LAMA2: variants seen among roughly 807,000 people sequenced by gnomAD.
LAMA2 encodes the protein laminin subunit alpha-2.
A neutral mutation model predicts 364.8 loss-of-function variants in LAMA2; 269 were observed. The observed-to-expected ratio is 0.74, with a 90% CI of 0.67 to 0.82. The LOEUF is 0.82. Ranked by LOEUF, LAMA2 falls within the 40% of genes least tolerant of loss-of-function variation. The pLI, the probability that LAMA2 is intolerant of heterozygous loss-of-function variation, is 0.00. For synonymous variants in LAMA2, 1,379 were observed against 1,370.6 expected (o/e 1.01, Z -0.14); for missense variants, 3,807 against 3,873.2 (o/e 0.98, Z 0.45).
At position 129,291,663 on chromosome 6, in the gene LAMA2, A is replaced by G. The variant is rs1027199; in HGVS notation, c.2799A>G (p.Gln933=). The G allele has an allele frequency of 0.25, 400,644 of 1,612,996 alleles. 52,290 individuals are homozygous for G. The highest frequency in any genetic ancestry group is 0.48 in the East Asian group (21,549 of 44,838). Residue 933 remains glutamine, a synonymous_variant, in exon 20 of 65, where the codon CAA becomes CAG. Transcript: ENST00000421865. Reference sequence around the variant, plus strand: ...CTTTCTCTGAGGTTTGCCACAGTCAAACTGGACAGTGTGAGTGCAGAGCCA... The same window carrying G: ...CTTTCTCTGAGGTTTGCCACAGTCAGACTGGACAGTGTGAGTGCAGAGCCA... ...GGSFSEVCHS[Q]TGQCECRANV...
intron 62 of LAMA2, among the ~76,000 whole-genome samples, chr6:129,511,261 C>CT (rs35249760): frequency 1.6e-4 from 25 of 151,934 alleles, no homozygotes; most frequent in African/African-American, 4.3e-4. Flanking sequence ...ATCACTGGGG[C>CT]TTTTTTTTGG....
At chr6:128,930,055 C>A in intron 1 of LAMA2, 2 of 384,902 alleles carry the variant, frequency 5.2e-6, no homozygotes, top group South Asian at 6.1e-5. Flanking sequence ...GCCCGCAGCC[C>A]TGCAGGGCCG....
At chr6:129,208,046 T>C (rs913869430) in intron 12 of LAMA2, among the ~76,000 whole-genome samples, 1 of 152,202 alleles carries the variant, frequency 6.6e-6, no homozygotes, top group African/African-American at 2.4e-5. Context: ...TATGAGTCTA[T>C]AAGGAAGTTA....
chr6:129,478,795 C>T lies in LAMA2; in HGVS notation c.7554C>T (p.Thr2518=). The T allele has an allele frequency of 6.2e-7, 1 of 1,612,994 alleles. No homozygotes were observed. Among genetic ancestry groups the T allele is most frequent in the Non-Finnish European group, 8.5e-7 (1 of 1,179,062 alleles). Residue 2518 remains threonine, a synonymous_variant, in exon 54 of 65, where the codon ACC becomes ACT. Transcript: ENST00000421865. ...GTAGTCCCGATTATGTTGGTGTTACCAAAGGATGTTCCCTGGAGGTTGGTC... is the reference window on the plus strand; with the variant it reads ...GTAGTCCCGATTATGTTGGTGTTACTAAAGGATGTTCCCTGGAGGTTGGTC... ...ILSSPDYVGV[T]KGCSLENVYT...
At chr6:129,079,972 TA>T (rs1268504043) in intron 3 of LAMA2, among the ~76,000 whole-genome samples, 2 of 152,182 alleles carry the variant, frequency 1.3e-5, no homozygotes, top group African/African-American at 4.8e-5. Flanking sequence ...AGTCAGTTAG[TA>T]AATGAACTCT....
chr6:129,484,446 A>G (rs1018588511), intron 55 of LAMA2, among the ~76,000 whole-genome samples: 6 of 152,216 alleles, frequency 3.9e-5, no homozygotes, highest in Non-Finnish European at 7.3e-5. Context: ...ATTTTTGCAC[A>G]TGGGCATAAT....
intron 22 of LAMA2, among the ~76,000 whole-genome samples, chr6:129,302,867 C>T (rs960618316): frequency 3.3e-5 from 5 of 152,080 alleles, no homozygotes; most frequent in Non-Finnish European, 4.4e-5. Context: ...AGCTTTCCAG[C>T]AAGTCATAAA....
At chr6:129,176,541 G>C (rs17056894) in intron 9 of LAMA2, among the ~76,000 whole-genome samples, 28,636 of 151,842 alleles carry the variant, frequency 0.19, 6,235 homozygotes, top group African/African-American at 0.53. Context: ...GACTTTTAAA[G>C]TTTTTATTTC....
intron 4 of LAMA2, among the ~76,000 whole-genome samples, chr6:129,129,346 A>G (rs1777308048): frequency 6.6e-6 from 1 of 152,268 alleles, no homozygotes; most frequent in South Asian, 2.1e-4. Flanking sequence ...TTTTAAAATT[A>G]ACTAATGTGT....
At chr6:129,481,169 C>T in intron 54 of LAMA2, 94 bp from the exon 55 acceptor site, 2 of 932,702 alleles carry the variant, frequency 2.1e-6, no homozygotes, top group African/African-American at 1.6e-5. Context: ...ATTTCATAAT[C>T]ACATTAATTG....
intron 45 of LAMA2, among the ~76,000 whole-genome samples, chr6:129,452,548 G>C (rs1782732023): frequency 6.6e-6 from 1 of 152,014 alleles, no homozygotes; most frequent in Non-Finnish European, 1.5e-5. Context: ...ATTTCCTCTT[G>C]AAAACTAAAA....
intron 12 of LAMA2, among the ~76,000 whole-genome samples, chr6:129,204,245 C>T (rs1209391065): frequency 6.6e-6 from 1 of 152,062 alleles, no homozygotes; most frequent in Non-Finnish European, 1.5e-5. Flanking sequence ...TTGAAGGTGC[C>T]AAATTAGAGC....
intron 35 of LAMA2, among the ~76,000 whole-genome samples, chr6:129,387,474 A>C (rs1779079061): frequency 6.6e-6 from 1 of 152,254 alleles, no homozygotes; most frequent in Non-Finnish European, 1.5e-5. Flanking sequence ...AAATTAGTTT[A>C]ACCATTGTGG....
intron 3 of LAMA2, among the ~76,000 whole-genome samples, chr6:129,082,283 T>A (rs926501740): frequency 1.3e-5 from 2 of 152,114 alleles, no homozygotes; most frequent in East Asian, 3.9e-4. Context: ...AGCTTTCCTG[T>A]CTGTGCTACT....
In LAMA2 at chr6:129,330,594, T is replaced by TTTTG. The variant is rs199659369; in HGVS notation, c.4311+2186_4311+2189dup. 1.2e-4 allele frequency among the ~76,000 whole-genome samples: 8 copies of TTTTG among 66,326 alleles called. No individual in the cohort carries two copies. In the East Asian group the frequency reaches 2.8e-3, roughly 23 times the overall value. 43.5% of individuals were successfully genotyped at this position (66,326 alleles called of 152,430 possible). On this transcript the variant is annotated intron_variant, in intron 29 of 64. Coordinates refer to ENST00000421865, the MANE Select transcript of LAMA2 (RefSeq NM_000426.4). ...AAGCGTTTTTTTGTTGTTGTTTGGT[T>TTTTG]TTTGTTTTTTTTTTTTTTTTTCCCA...
intron 17 of LAMA2, among the ~76,000 whole-genome samples, chr6:129,271,510 C>A (rs1787937236): frequency 1.4e-5 from 2 of 146,740 alleles, no homozygotes; most frequent in African/African-American, 5.1e-5. Context: ...CGCTCTGTTG[C>A]CCAGGCTAGA....
At chr6:129,162,363 G>GA (rs1176803826) in intron 8 of LAMA2, among the ~76,000 whole-genome samples, 1 of 151,814 alleles carries the variant, frequency 6.6e-6, no homozygotes, top group East Asian at 1.9e-4. Context: ...TGAAAAGAAG[G>GA]AAAAAAATTT....
intron 1 of LAMA2, among the ~76,000 whole-genome samples, chr6:128,937,726 TAAA>T (rs896596203): frequency 6.6e-6 from 1 of 151,876 alleles, no homozygotes; most frequent in Non-Finnish European, 1.5e-5. Context: ...TGTTTATCTT[TAAA>T]AAAACAATTC....
chr6:129,492,514 T>G (rs760545004), intron 58 of LAMA2, 31 bp downstream of exon 58: 10 of 1,593,638 alleles, frequency 6.3e-6, no homozygotes, highest in African/African-American at 2.7e-5. Flanking sequence ...CATTGCTTTC[T>G]AATTTTTACC....
Sources: allele counts gnomAD v4.1 joint callset (sites outside exome capture counted in the v4.1 genomes callset), GRCh38; gene constraint gnomAD v4.1.1; transcripts MANE v1.5; gene names NCBI Gene and HGNC (gene_info 2026-07-23, HGNC 2026-07-21).